RAB9B: variants seen among roughly 807,000 people sequenced by gnomAD.
RAB9B encodes ras-related protein Rab-9B.
RAB9B carries 1 observed loss-of-function variant against 8.9 expected under a neutral mutation model. The observed-to-expected ratio is 0.11, with a 90% CI of 0.04 to 0.53. The LOEUF (loss-of-function observed/expected upper bound fraction) is 0.53. Among genes scored for constraint, RAB9B ranks in the 20% least tolerant of loss-of-function variants. RAB9B has a pLI of 0.93. For missense variants in RAB9B, 82 were observed against 152.9 expected (o/e 0.54, Z 2.45); for synonymous variants, 63 against 57.0 (o/e 1.10, Z -0.47).
At chrX:103,799,067 T>C in the RAB9B span, among the ~76,000 whole-genome samples, 2 of 109,889 alleles carry the variant, frequency 1.8e-5, no homozygotes, top group South Asian at 7.6e-4. Flanking sequence ...CTGTTTTTCA[T>C]GCCTTATATG....
At chrX:103,826,081 G>A (rs2074682302) in intron 2 of RAB9B, among the ~76,000 whole-genome samples, 1 of 112,060 alleles carries the variant, frequency 8.9e-6, no homozygotes, top group South Asian at 3.7e-4. Context: ...AGATGGTCCT[G>A]TAATTTGGTT....
At chrX:103,802,037 A>G in the RAB9B span, among the ~76,000 whole-genome samples, 4 of 111,332 alleles carry the variant, frequency 3.6e-5, no homozygotes, top group African/African-American at 1.3e-4. Context: ...AACAAATTTT[A>G]TCAAGAAATT....
At chrX:103,790,633 G>A in the RAB9B span, 3 of 1,026,667 alleles carry the variant, frequency 2.9e-6, no homozygotes, top group Non-Finnish European at 4.1e-6. Context: ...CTAATAGCGA[G>A]GCTCTAACCA....
At chrX:103,815,996 T>G in the RAB9B span, among the ~76,000 whole-genome samples, 1 of 111,509 alleles carries the variant, frequency 9.0e-6, no homozygotes, top group Non-Finnish European at 1.9e-5. Flanking sequence ...ATGAAAATGG[T>G]CTTACCGCCC....
chrX:103,818,136 C>A (rs1366784600), downstream of RAB9B, among the ~76,000 whole-genome samples: 1 of 111,168 alleles, frequency 9.0e-6, no homozygotes, highest in East Asian at 2.8e-4. Flanking sequence ...CAATAAGAAA[C>A]AAAAATGAAT....
the RAB9B span, among the ~76,000 whole-genome samples, chrX:103,799,900 C>T: frequency 8.1e-5 from 9 of 111,332 alleles, no homozygotes; most frequent in Non-Finnish European, 7.5e-5. Context: ...GCGGGGGACT[C>T]CTTGCAGCAA....
In RAB9B at chrX:103,825,630, T is replaced by C; in HGVS notation, c.155A>G (p.Asp52Gly). The C allele has an allele frequency of 5.8e-6, 7 of 1,210,755 alleles. No homozygotes were observed. Among genetic ancestry groups the C allele is most frequent in the Non-Finnish European group, 7.8e-6 (7 of 894,710 alleles). Residue 52 changes from aspartate to glycine, a missense_variant, in exon 3 of 3, where the codon GAT (aspartate) becomes GGT (glycine). Asp to Gly is a moderately conservative substitution (Grantham distance 94). Coordinates refer to ENST00000243298, the MANE Select transcript of RAB9B (RefSeq NM_016370.4). ...GATCTGGAGGGTTACAAAGCGTCCATCTACCTCCAGATCTCGATTTAAGAA... is the reference window on the plus strand; with the variant it reads ...GATCTGGAGGGTTACAAAGCGTCCACCTACCTCCAGATCTCGATTTAAGAA... ...VEFLNRDLEV[D>G]GRFVTLQIWD...
chrX:103,807,357 C>T, the RAB9B span, among the ~76,000 whole-genome samples: 1 of 111,509 alleles, frequency 9.0e-6, no homozygotes, highest in Non-Finnish European at 1.9e-5. Context: ...TGCCGTCAGA[C>T]TACTCTTTAA....
At chrX:103,820,983 T>TACACACACACAC (rs1191042577), downstream of RAB9B, among the ~76,000 whole-genome samples, 4 of 20,968 alleles carry the variant, frequency 1.9e-4, no homozygotes, top group Non-Finnish European at 3.2e-4. Context: ...CACACACACA[T>TACACACACACAC]ACACACACAC....
chrX:103,783,871 T>C, the RAB9B span, among the ~76,000 whole-genome samples: 1 of 111,935 alleles, frequency 8.9e-6, no homozygotes, highest in African/African-American at 3.2e-5. Context: ...TCCCAGTACA[T>C]TTGCTGAGTA....
At chrX:103,781,946 G>T in the RAB9B span, among the ~76,000 whole-genome samples, 3,063 of 96,017 alleles carry the variant, frequency 0.032, 112 homozygotes, top group African/African-American at 0.11. Flanking sequence ...GAAATGGAGA[G>T]CTTTTGGCTT....
chrX:103,814,947 G>T, the RAB9B span, among the ~76,000 whole-genome samples: 2 of 111,528 alleles, frequency 1.8e-5, no homozygotes, highest in African/African-American at 6.5e-5. Context: ...ATAATTAATA[G>T]CCTACCAACC....
chrX:103,776,956 C>G, the RAB9B span: 2 of 1,192,022 alleles, frequency 1.7e-6, no homozygotes, highest in Non-Finnish European at 2.3e-6. Context: ...ACAAAGCAGA[C>G]TAGCCAGCCG....
At chrX:103,815,306 T>C in the RAB9B span, among the ~76,000 whole-genome samples, 1 of 112,410 alleles carries the variant, frequency 8.9e-6, no homozygotes, top group African/African-American at 3.2e-5. Flanking sequence ...TCAATAAAGG[T>C]AATCCATCAC....
At chrX:103,809,099 C>T in the RAB9B span, among the ~76,000 whole-genome samples, 773 of 111,528 alleles carry the variant, frequency 6.9e-3, 4 homozygotes, top group African/African-American at 0.024. Context: ...AGGGTGGGGT[C>T]CTCACAATGA....
the RAB9B span, among the ~76,000 whole-genome samples, chrX:103,796,961 C>T: frequency 9.5e-6 from 1 of 104,821 alleles, no homozygotes; most frequent in Non-Finnish European, 1.9e-5. Flanking sequence ...CCAGAGGCTG[C>T]GGGTGCAGTG....
the RAB9B span, among the ~76,000 whole-genome samples, chrX:103,792,816 G>T: frequency 3.5e-4 from 39 of 112,064 alleles, no homozygotes; most frequent in Admixed American, 1.0e-3. Flanking sequence ...AAAGTAATTT[G>T]CCCAAAGAAA....
At chrX:103,800,502 T>C in the RAB9B span, among the ~76,000 whole-genome samples, 2 of 111,594 alleles carry the variant, frequency 1.8e-5, no homozygotes. Flanking sequence ...AAGAAAACAG[T>C]TCTAGGTCTC....
chrX:103,797,783 T>C, the RAB9B span, among the ~76,000 whole-genome samples: 3,000 of 58,869 alleles, frequency 0.051, 97 homozygotes, highest in African/African-American at 0.17. Flanking sequence ...TTTGGAGCAC[T>C]GCCTATTTCA....
Sources: gnomAD v4.1 joint callset for allele counts (sites outside exome capture counted in the v4.1 genomes callset) on GRCh38, gnomAD v4.1.1 for gene constraint, MANE v1.5 for transcripts, NCBI Gene and HGNC (gene_info 2026-07-23, HGNC 2026-07-21) for gene names.